KLKB1: variants seen among roughly 807,000 people sequenced by gnomAD.
KLKB1 encodes the protein plasma kallikrein.
In KLKB1, 58 loss-of-function variants were observed where a neutral mutation model predicts 73.6. The observed-to-expected ratio is 0.79, with a 90% CI of 0.64 to 0.98. The LOEUF (loss-of-function observed/expected upper bound fraction) is 0.98, where lower values mean the gene tolerates loss of function less well. Among genes scored for constraint, KLKB1 ranks in the 50% least tolerant of loss-of-function variants. KLKB1 has a pLI of 0.00. For missense variants in KLKB1, 737 were observed against 763.8 expected (o/e 0.96, Z 0.41); for synonymous variants, 280 against 258.1 (o/e 1.08, Z -0.81).
At chr4:186,228,325 G>T in intron 2 of KLKB1, 72 bp downstream of exon 2, 1 of 923,266 alleles carries the variant, frequency 1.1e-6, no homozygotes, top group Non-Finnish European at 1.8e-6. Context: ...CACCACCCCT[G>T]GAGAAAGCTA....
At position 186,236,777 on chromosome 4, in the gene KLKB1, A is replaced by G. The variant is rs368428141; in HGVS notation, c.329-4A>G. 3.0e-5 allele frequency: 49 copies of G among 1,613,736 alleles called. No individual in the cohort carries two copies. The highest frequency in any genetic ancestry group is 3.8e-5 in the Non-Finnish European group (45 of 1,179,762). ...TATTTGCTCTATGTATTTTTCTTGT[A>G]CAGCTTGCCATCGAGACATTTATAA... On this transcript the variant is annotated splice_region_variant and splice_polypyrimidine_tract_variant and intron_variant, in intron 4 of 14. Transcript: ENST00000264690.
At chr4:186,220,882 G>A (rs947690399) in intron 2 of KLKB1, among the ~76,000 whole-genome samples, 1 of 152,142 alleles carries the variant, frequency 6.6e-6, no homozygotes, top group African/African-American at 2.4e-5. Context: ...GTTTGAGAAG[G>A]ATTGGTGTTA....
intron 6 of KLKB1, among the ~76,000 whole-genome samples, chr4:186,246,191 G>A (rs1047872951): frequency 2.6e-5 from 4 of 151,988 alleles, no homozygotes; most frequent in Non-Finnish European, 4.4e-5. Context: ...GGCTGAGGAA[G>A]AATTGGGATC....
intron 3 of KLKB1, 45 bp downstream of exon 3, chr4:186,232,334 T>G (rs1737439913): frequency 6.4e-7 from 1 of 1,569,382 alleles, no homozygotes; most frequent in African/African-American, 1.4e-5. Context: ...TTTTCAAAAC[T>G]GAATCAGTTT....
At chr4:186,212,485 A>C (rs1408078132) in intron 2 of KLKB1, 1 of 152,216 alleles carries the variant, frequency 6.6e-6, no homozygotes, top group Non-Finnish European at 1.5e-5. Context: ...ACTTCATTTA[A>C]TAGTTTAAAC....
intron 2 of KLKB1, chr4:186,213,388 T>G (rs1332975822): frequency 1.3e-5 from 2 of 152,182 alleles, no homozygotes; most frequent in East Asian, 3.8e-4. Context: ...ATTCAAAACA[T>G]AGAAAACTGT....
At chr4:186,226,979 G>T (rs2048), upstream of KLKB1, among the ~76,000 whole-genome samples, 85,075 of 151,850 alleles carry the variant, frequency 0.56, 24,214 homozygotes, top group East Asian at 0.68. Flanking sequence ...TGAGCATGGG[G>T]CTGAGGCCAC....
rs571129292 is a variant in KLKB1 at position 186,254,043 on chromosome 4, G to A, written c.1314-545G>A. ...AGACGAGGTTTCATCATGTTGGTCA[G>A]GCTGGTCTCGAACTCCTGGCCTCAA... On this transcript the variant is annotated intron_variant, in intron 11 of 14. Coordinates refer to ENST00000264690, the MANE Select transcript of KLKB1 (RefSeq NM_000892.5). Among the ~76,000 whole-genome samples the A allele has an allele frequency of 4.5e-3, 679 of 152,276 alleles. 7 individuals are homozygous for A. Among genetic ancestry groups the A allele is most frequent in the African/African-American group, 0.016 (654 of 41,566 alleles).
At chr4:186,248,283 A>T (rs1738487268) in intron 6 of KLKB1, among the ~76,000 whole-genome samples, 1 of 150,664 alleles carries the variant, frequency 6.6e-6, no homozygotes, top group Admixed American at 6.6e-5. Flanking sequence ...AAAAAAAAAA[A>T]GAAAGGCTGT....
chr4:186,228,030 C>T (rs926322761), intron 1 of KLKB1, among the ~76,000 whole-genome samples, 165 bp from the exon 2 acceptor site: 1 of 151,810 alleles, frequency 6.6e-6, no homozygotes, highest in African/African-American at 2.4e-5. Context: ...TTCCAACTCC[C>T]TAGACACAAA....
chr4:186,212,141 T>C (rs923115806), intron 2 of KLKB1: 1 of 152,126 alleles, frequency 6.6e-6, no homozygotes, highest in Non-Finnish European at 1.5e-5. Context: ...TACGTAGAGA[T>C]CTATACCCTT....
chr4:186,257,187 A>G, intron 13 of KLKB1, 39 bp from the exon 14 acceptor site: 1 of 1,207,944 alleles, frequency 8.3e-7, no homozygotes, highest in Non-Finnish European at 1.2e-6. Context: ...AGTTATTATT[A>G]TTAACTTCCC....
chr4:186,249,455 C>G lies in KLKB1; in HGVS notation c.599-788C>G, dbSNP rs572338436. Reference sequence around the variant, plus strand: ...AGAGTTTATTTTTGGACCATCAGTTCTATCCTGTTGACCTATATATGCCTA... The same window carrying G: ...AGAGTTTATTTTTGGACCATCAGTTGTATCCTGTTGACCTATATATGCCTA... On this transcript the variant is annotated intron_variant, in intron 6 of 14. Transcript: ENST00000264690. Among the ~76,000 whole-genome samples, 3 of 152,296 alleles carry G rather than the reference C, an allele frequency of 2.0e-5. No individual in the cohort carries two copies. The East Asian group carries it at 5.8e-4, about 29-fold the overall frequency.
chr4:186,247,975 C>T (rs1459095940), intron 6 of KLKB1, among the ~76,000 whole-genome samples: 6 of 152,252 alleles, frequency 3.9e-5, no homozygotes, highest in African/African-American at 7.2e-5. Context: ...AGGCCGGGCA[C>T]GGTGGCTCAC....
intron 12 of KLKB1, among the ~76,000 whole-genome samples, 196 bp downstream of exon 12, chr4:186,254,959 T>A (rs1360393560): frequency 1.3e-5 from 2 of 151,458 alleles, no homozygotes; most frequent in African/African-American, 4.9e-5. Flanking sequence ...GAGCAAGACA[T>A]GTGAATTAAT....
At chr4:186,232,570 C>T (rs1027651025) in intron 3 of KLKB1, among the ~76,000 whole-genome samples, 16 of 152,284 alleles carry the variant, frequency 1.1e-4, no homozygotes, top group African/African-American at 3.6e-4. Flanking sequence ...CCTCAAAATG[C>T]TTGAATATCA....
Position 186,258,215 on chromosome 4 carries a change from A to C in KLKB1, c.*3A>C. The C allele has an allele frequency of 6.2e-7, 1 of 1,613,192 alleles. No individual in the cohort carries two copies. Among genetic ancestry groups the C allele is most frequent in the Non-Finnish European group, 8.5e-7 (1 of 1,179,550 alleles). ...CTCAGATGCAGTCACCAGCATGAGA[A>C]GCAGTCCAGAGTCTAGGCAATTTTT... On this transcript the variant is annotated 3_prime_UTR_variant, in exon 15 of 15. Coordinates refer to ENST00000264690, the MANE Select transcript of KLKB1 (RefSeq NM_000892.5).
At chr4:186,225,405 T>C (rs35669195), upstream of KLKB1, among the ~76,000 whole-genome samples, 15,727 of 150,292 alleles carry the variant, frequency 0.1, 908 homozygotes, top group South Asian at 0.19. Context: ...AATTCTCTCT[T>C]TGTCATGGTG....
At chr4:186,214,941 A>C (rs1057304741) in intron 2 of KLKB1, among the ~76,000 whole-genome samples, 17 of 152,136 alleles carry the variant, frequency 1.1e-4, no homozygotes, top group African/African-American at 2.7e-4. Flanking sequence ...TCCCATCATT[A>C]TCTCTCCTCT....
Sources: gnomAD v4.1 joint callset for allele counts (sites outside exome capture counted in the v4.1 genomes callset) on GRCh38, gnomAD v4.1.1 for gene constraint, MANE v1.5 for transcripts, NCBI Gene and HGNC (gene_info 2026-07-23, HGNC 2026-07-21) for gene names.